SHROOM4: variants seen among roughly 807,000 people sequenced by gnomAD.
The protein encoded by SHROOM4 is shroom family member 4.
SHROOM4 carries 17 observed loss-of-function variants against 80.3 expected under a neutral mutation model. The ratio of observed to expected loss-of-function variants is 0.21; its 90% CI spans 0.14 to 0.32. SHROOM4 has a LOEUF of 0.32. SHROOM4 is among the 10% of genes least tolerant of loss of function. The pLI is 1.00. For missense variants in SHROOM4, 993 were observed against 1,140.3 expected (o/e 0.87, Z 1.86); for synonymous variants, 400 against 437.5 (o/e 0.91, Z 1.07).
chrX:50,744,122 T>A (rs1302726764), intron 1 of SHROOM4, among the ~76,000 whole-genome samples: 2 of 111,787 alleles, frequency 1.8e-5, no homozygotes, highest in East Asian at 5.6e-4. Context: ...AGCTCACTGA[T>A]CTTCTTTGAT....
chrX:50,686,841 G>T (rs1379375599), intron 2 of SHROOM4, among the ~76,000 whole-genome samples: 4 of 111,438 alleles, frequency 3.6e-5, no homozygotes, highest in African/African-American at 1.3e-4. Context: ...ATTCTCCATG[G>T]TATCCCCAAC....
At chrX:50,637,654 C>T (rs1569546900) in intron 3 of SHROOM4, among the ~76,000 whole-genome samples, 1 of 112,473 alleles carries the variant, frequency 8.9e-6, no homozygotes, top group South Asian at 3.7e-4. Flanking sequence ...AAGGGCAGCA[C>T]CTTTGCTGGC....
rs781811772 is a variant in SHROOM4, at chrX:50,591,690, TTTCTTTTCTTTC to T, written c.*4993_*5004del. 6.7e-3 allele frequency: 1,736 copies of T among 258,507 alleles called. 9 individuals carry two copies. The highest frequency in any genetic ancestry group is 8.4e-3 in the East Asian group (68 of 8,107). The allele number at this position is 258,507 out of a possible 1,213,427, so 21.3% of individuals were successfully genotyped here. On this transcript the variant is annotated 3_prime_UTR_variant, in exon 9 of 9. Transcript: ENST00000376020. ...ACTGTTTTCTTTCTTTCTTTCTTTC[TTTCTTTTCTTTC>T]TTTCTTTCTTTCTTTCTTTCTTTCT...
chrX:50,753,995 G>A (rs1409340532), intron 1 of SHROOM4, among the ~76,000 whole-genome samples: 1 of 111,805 alleles, frequency 8.9e-6, no homozygotes, highest in African/African-American at 3.3e-5. Context: ...GATTTAATGG[G>A]CTAATGCATA....
chrX:50,778,479 G>C (rs1557270330), intron 1 of SHROOM4, among the ~76,000 whole-genome samples: 1 of 111,520 alleles, frequency 9.0e-6, no homozygotes, highest in African/African-American at 3.3e-5. Context: ...GAATCAAAGA[G>C]TGTTCCCTAG....
intron 2 of SHROOM4, among the ~76,000 whole-genome samples, chrX:50,663,814 C>T (rs1305213702): frequency 9.0e-6 from 1 of 111,253 alleles, no homozygotes; most frequent in African/African-American, 3.3e-5. Flanking sequence ...TTTTGATAAC[C>T]ACGTACTTCC....
intron 1 of SHROOM4, among the ~76,000 whole-genome samples, chrX:50,795,088 G>A (rs56307623): frequency 7.1e-5 from 2 of 28,157 alleles, no homozygotes; most frequent in Admixed American, 4.8e-4. Flanking sequence ...ATATATATAT[G>A]ATATATATAT....
At chrX:50,614,152 A>G (rs914571685) in intron 5 of SHROOM4, among the ~76,000 whole-genome samples, 1 of 112,654 alleles carries the variant, frequency 8.9e-6, no homozygotes, top group Non-Finnish European at 1.9e-5. Context: ...TAGATGTATC[A>G]AGACTCAATT....
At chrX:50,772,451 G>A (rs1233029785) in intron 1 of SHROOM4, among the ~76,000 whole-genome samples, 2 of 111,578 alleles carry the variant, frequency 1.8e-5, no homozygotes, top group Non-Finnish European at 3.8e-5. Flanking sequence ...AAACTAGGAT[G>A]TAAACTGAGG....
intron 2 of SHROOM4, among the ~76,000 whole-genome samples, chrX:50,651,588 G>C (rs1932063127): frequency 8.9e-6 from 1 of 111,750 alleles, no homozygotes; most frequent in African/African-American, 3.2e-5. Flanking sequence ...ATGAATTTTG[G>C]TTTTGTTTTT....
rs782092644 is a variant in SHROOM4 at position 50,680,337 on chromosome X, G to T, written c.269+15449C>A. 4.5e-5 allele frequency among the ~76,000 whole-genome samples: 5 copies of T among 111,785 alleles called. No homozygotes were observed. The South Asian group carries it at 1.9e-3, about 42-fold the overall frequency. ...TTAGCTCCTGCCAAAATTAGAGGCTGCCTCCTCAACTGGTCCAACTTAGGC... is the reference window on the plus strand; with the variant it reads ...TTAGCTCCTGCCAAAATTAGAGGCTTCCTCCTCAACTGGTCCAACTTAGGC... On this transcript the variant is annotated intron_variant, in intron 2 of 8. Transcript: ENST00000376020.
chrX:50,803,172 G>A (rs1304746981), intron 1 of SHROOM4, among the ~76,000 whole-genome samples: 1 of 111,939 alleles, frequency 8.9e-6, no homozygotes, highest in African/African-American at 3.2e-5. Context: ...CCTGGCAACA[G>A]AGAGAGACTC....
chrX:50,618,655 TG>T (rs1930439402), intron 5 of SHROOM4, among the ~76,000 whole-genome samples: 1 of 111,385 alleles, frequency 9.0e-6, no homozygotes, highest in African/African-American at 3.3e-5. Flanking sequence ...CCCAAAGTTC[TG>T]GGATTACAGG....
chrX:50,774,184 T>C (rs573798315), intron 1 of SHROOM4, among the ~76,000 whole-genome samples: 3 of 111,267 alleles, frequency 2.7e-5, no homozygotes, highest in East Asian at 5.7e-4. Context: ...ATTTTTGGAG[T>C]TGATAAAGGA....
chrX:50,633,223 G>A lies in SHROOM4; in HGVS notation c.2850C>T (p.Ser950=), dbSNP rs782540431. Residue 950 remains serine (S), a synonymous_variant, in exon 4 of 9, where the codon AGC becomes AGT. Transcript: ENST00000376020. ...NPQHSALEDS[S]LAPGNTWKPR... Reference sequence around the variant, plus strand: ...GTTTCCAAGTGTTGCCAGGTGCCAAGCTGCTGTCCTCGAGGGCACTGTGCT... The same window carrying A: ...GTTTCCAAGTGTTGCCAGGTGCCAAACTGCTGTCCTCGAGGGCACTGTGCT... 1.1e-5 allele frequency: 13 copies of A among 1,211,574 alleles called. No individual in the cohort carries two copies. The East Asian group carries it at 3.8e-4, about 36-fold the overall frequency.
intron 1 of SHROOM4, among the ~76,000 whole-genome samples, chrX:50,741,929 T>C (rs1385128571): frequency 9.0e-6 from 1 of 110,660 alleles, no homozygotes; most frequent in African/African-American, 3.3e-5. Flanking sequence ...ATCCTATTTA[T>C]ATGTTATAAA....
In SHROOM4 at chrX:50,635,576, C is replaced by T; in HGVS notation, c.497G>A (p.Gly166Asp). ...IGSMESLEQPGQATYESHLLP... is the reference protein window; with the variant it reads ...IGSMESLEQPDQATYESHLLP... ...CAGATGGCTCTCATAGGTGGCTTGG[C>T]CTGGTTGCTCCAGGCTCTCCATGCT... The change falls in exon 4 of 9, where the codon GGC becomes GAC. Residue 166 changes from glycine (G) to aspartate (D), a missense_variant. Gly to Asp is a moderately conservative substitution (Grantham distance 94). Transcript: ENST00000376020. 8.3e-7 allele frequency: 1 copy of T among 1,209,707 alleles called. No homozygotes were observed. Among genetic ancestry groups the T allele is most frequent in the Non-Finnish European group, 1.1e-6 (1 of 895,035 alleles).
At chrX:50,659,281 T>C (rs2147363767) in intron 2 of SHROOM4, among the ~76,000 whole-genome samples, 1 of 111,457 alleles carries the variant, frequency 9.0e-6, no homozygotes, top group African/African-American at 3.3e-5. Flanking sequence ...AAGATGCAGG[T>C]GGATCAGAGA....
intron 1 of SHROOM4, among the ~76,000 whole-genome samples, chrX:50,776,655 T>C (rs1199523071): frequency 1.8e-5 from 2 of 111,707 alleles, no homozygotes; most frequent in East Asian, 5.6e-4. Flanking sequence ...CAATATCATT[T>C]ACATATCTGC....
Sources: allele counts gnomAD v4.1 joint callset (sites outside exome capture counted in the v4.1 genomes callset), GRCh38; gene constraint gnomAD v4.1.1; transcripts MANE v1.5; gene names NCBI Gene and HGNC (gene_info 2026-07-23, HGNC 2026-07-21).